The following ZNF24 variants were observed in gnomAD, a reference collection of about 807,000 sequenced individuals.
The protein encoded by ZNF24 is zinc finger protein 24.
A neutral mutation model predicts 40.9 loss-of-function variants in ZNF24; 11 were observed. The ratio of observed to expected loss-of-function variants is 0.27; its 90% CI spans 0.17 to 0.45. The LOEUF is 0.45. ZNF24 is among the 20% of genes least tolerant of loss of function. The pLI is 1.00. For synonymous variants in ZNF24, 139 were observed against 154.7 expected, an observed-to-expected ratio of 0.90 and a Z score of 0.75; for missense variants, 293 against 437.7, an observed-to-expected ratio of 0.67 and a Z score of 2.95.
chr18:35,343,629 G>A lies in ZNF24; in HGVS notation c.-84+731C>T, dbSNP rs940243633. On this transcript the variant is annotated intron_variant, in intron 1 of 3. Coordinates refer to ENST00000261332, the MANE Select transcript of ZNF24 (RefSeq NM_006965.4). ...TTAATTAAATACCCTGGAGTGTGGT[G>A]GCCTTATACATAAGGTCTAGCCAAC... is the stretch of plus-strand genomic sequence containing the variant. 29 of 152,138 alleles carry A rather than the reference G, an allele frequency of 1.9e-4. 1 individual carries two copies. The highest frequency in any genetic ancestry group is 7.2e-4 in the Admixed American group (11 of 15,278). The allele number at this position is 152,138 out of a possible 1,614,324, so 9.4% of individuals were successfully genotyped here. A position where few individuals can be genotyped will look rare whatever the true frequency, so the allele number is the denominator to read the frequency against.
rs2044894482 is a variant in ZNF24, at chr18:35,335,193, C to A, written c.*2039G>T. 6.6e-6 allele frequency: 1 copy of A among 152,074 alleles called. No individual in the cohort carries two copies. The highest frequency in any genetic ancestry group is 2.1e-4 in the South Asian group (1 of 4,836). 9.4% of individuals were successfully genotyped at this position (152,074 alleles called of 1,614,324 possible). A position where few individuals can be genotyped will look rare whatever the true frequency, so the allele number is the denominator to read the frequency against. On this transcript the variant is annotated 3_prime_UTR_variant, in exon 4 of 4. Transcript: ENST00000261332. ...CCTGAAAACCTACTTGGAAAGAAGC[C>A]AGTTATAAATAAATAAATCACATCA...
intron 3 of ZNF24, 177 bp from the exon 4 acceptor site, chr18:35,337,947 T>A (rs757986061): frequency 7.1e-6 from 4 of 565,412 alleles, no homozygotes; most frequent in Non-Finnish European, 8.6e-6. Flanking sequence ...AATAACAGTA[T>A]AACATCATGA....
Position 35,337,059 on chromosome 18 carries a change from C to T in ZNF24, c.*173G>A. ...TTCAGTTTCTAGGCAGGTATGACACCATTTCTTTCAAGATAAATATCATAA... is the reference window on the plus strand; with the variant it reads ...TTCAGTTTCTAGGCAGGTATGACACTATTTCTTTCAAGATAAATATCATAA... On this transcript the variant is annotated 3_prime_UTR_variant, in exon 4 of 4. Transcript: ENST00000261332. 5.6e-6 allele frequency: 3 copies of T among 539,176 alleles called. No homozygotes were observed. The highest frequency in any genetic ancestry group is 8.8e-6 in the Non-Finnish European group (3 of 342,516). The allele number at this position is 539,176 out of a possible 1,614,324, so 33.4% of individuals were successfully genotyped here.
At chr18:35,339,566 G>A (rs886074992) in intron 3 of ZNF24, among the ~76,000 whole-genome samples, 2 of 152,152 alleles carry the variant, frequency 1.3e-5, no homozygotes, top group African/African-American at 4.8e-5. Flanking sequence ...TCCATGGGTG[G>A]GTGCTGGCTC....
rs1442133988 is a variant in ZNF24 at position 35,340,574 on chromosome 18, A to G, written c.77T>C (p.Val26Ala). Reference protein sequence around the residue: ...TPDEEEKILRVKLEEDPDGEE... With the variant: ...TPDEEEKILRAKLEEDPDGEE... ...GCCATCAGGATCCTCCTCCAACTTC[A>G]CTCTCAGAATTTTTTCCTCTTCATC... is the stretch of plus-strand genomic sequence containing the variant. The change falls in exon 2 of 4, where the codon GTG becomes GCG. Residue 26 changes from valine (V) to alanine (A), a missense_variant. Physicochemically the swap from Val to Ala is moderately conservative, Grantham distance 64 (BLOSUM62 0). This residue lies in a region of ZNF24 where 234 missense variants were observed against 299.2 expected (regional missense o/e 0.78). Coordinates refer to ENST00000261332, the MANE Select transcript of ZNF24 (RefSeq NM_006965.4). This position sits in a 1 kb window ranked among gnomAD's most constrained non-coding sequence, Gnocchi z 4.6. 6.2e-7 allele frequency: 1 copy of G among 1,613,904 alleles called. No homozygotes were observed. The highest frequency in any genetic ancestry group is 8.5e-7 in the Non-Finnish European group (1 of 1,179,978).
intron 1 of ZNF24, among the ~76,000 whole-genome samples, chr18:35,343,563 G>A (rs921359250): frequency 6.6e-6 from 1 of 152,096 alleles, no homozygotes; most frequent in African/African-American, 2.4e-5. Context: ...ATGAAGACTA[G>A]AATCAGAAAA....
chr18:35,343,207 C>A (rs1036684010), intron 1 of ZNF24, among the ~76,000 whole-genome samples: 3 of 152,136 alleles, frequency 2.0e-5, no homozygotes, highest in African/African-American at 7.2e-5. Flanking sequence ...TTATCTTGCA[C>A]ATAATACGTA....
rs532407733 is a variant in ZNF24 at position 35,338,361 on chromosome 18, C to A, written c.569-591G>T. ...AGACATGACATAAAAATTCAGTATG[C>A]CCCTAATAAATGAAAGTTTTCCAAT... On this transcript the variant is annotated intron_variant, in intron 3 of 3. Coordinates refer to ENST00000261332, the MANE Select transcript of ZNF24 (RefSeq NM_006965.4). The A allele has an allele frequency of 1.1e-5, 11 of 985,324 alleles. No homozygotes were observed. The African/African-American group carries it at 1.9e-4, about 17-fold the overall frequency. The allele number at this position is 985,324 out of a possible 1,614,324, so 61.0% of individuals were successfully genotyped here. A position where few individuals can be genotyped will look rare whatever the true frequency, so the allele number is the denominator to read the frequency against.
At position 35,340,848 on chromosome 18, in the gene ZNF24, ACCT is replaced by A; in HGVS notation, c.-83-118_-83-116del. The A allele has an allele frequency of 1.8e-6, 1 of 563,076 alleles. No homozygotes were observed. The highest frequency in any genetic ancestry group is 3.0e-6 in the Non-Finnish European group (1 of 332,602). 34.9% of individuals were successfully genotyped at this position (563,076 alleles called of 1,614,324 possible). A position where few individuals can be genotyped will look rare whatever the true frequency, so the allele number is the denominator to read the frequency against. ...TTTGAGTTAAAAATTCCAATCAATA[ACCT>A]ACACCAGGAATTGGCAAACTACAGC... On this transcript the variant is annotated intron_variant, in intron 1 of 3. Coordinates refer to ENST00000261332, the MANE Select transcript of ZNF24 (RefSeq NM_006965.4). This position sits in a 1 kb window ranked among gnomAD's most constrained non-coding sequence, Gnocchi z 4.6.
intron 1 of ZNF24, chr18:35,343,662 C>T (rs575095586): frequency 2.6e-5 from 4 of 152,218 alleles, no homozygotes; most frequent in African/African-American, 7.2e-5. Flanking sequence ...AACATTCATT[C>T]GTTCCTATTC....
At chr18:35,338,217 G>T in intron 3 of ZNF24, 2 of 985,784 alleles carry the variant, frequency 2.0e-6, no homozygotes, top group Non-Finnish European at 2.4e-6. Context: ...TCAGAAAGTG[G>T]CTATTTCTGA....
At chr18:35,343,318 T>C (rs188316867) in intron 1 of ZNF24, among the ~76,000 whole-genome samples, 36 of 152,322 alleles carry the variant, frequency 2.4e-4, no homozygotes, top group East Asian at 9.6e-4. Flanking sequence ...CATAAGCACC[T>C]TGACTTCCTG....
At chr18:35,343,168 T>G (rs79517527) in intron 1 of ZNF24, among the ~76,000 whole-genome samples, 1,878 of 152,352 alleles carry the variant, frequency 0.012, 15 homozygotes, top group Non-Finnish European at 0.019. Flanking sequence ...AAAGATCATA[T>G]GTGAAAAACA....
intron 3 of ZNF24, chr18:35,338,873 A>G: frequency 7.3e-7 from 1 of 1,370,838 alleles, no homozygotes; most frequent in Non-Finnish European, 9.4e-7. Flanking sequence ...TCAGCCCCAT[A>G]TATCAAGAAT....
chr18:35,342,784 A>T (rs1043566144), intron 1 of ZNF24: 10 of 152,226 alleles, frequency 6.6e-5, no homozygotes, highest in African/African-American at 2.4e-4. Flanking sequence ...AGCCTAACAT[A>T]TTTCTCAGAC....
chr18:35,338,392 C>G, intron 3 of ZNF24: 1 of 985,374 alleles, frequency 1.0e-6, no homozygotes, highest in Non-Finnish European at 1.2e-6. Flanking sequence ...CCAATAAAAG[C>G]AGCTTCTCCC....
intron 3 of ZNF24, among the ~76,000 whole-genome samples, chr18:35,339,360 G>A (rs996025938): frequency 6.6e-6 from 1 of 152,178 alleles, no homozygotes; most frequent in East Asian, 1.9e-4. Flanking sequence ...AAGCTTCTTA[G>A]AAGAAAATGA....
chr18:35,339,715 A>C (rs370530903), intron 3 of ZNF24, 114 bp downstream of exon 3: 4 of 920,142 alleles, frequency 4.3e-6, no homozygotes, highest in Admixed American at 2.9e-5. Flanking sequence ...AAAAAAACTG[A>C]GATATTAGAT....
In ZNF24 at chr18:35,340,983, C is replaced by T. The variant is rs1196278906; in HGVS notation, c.-83-250G>A. Among the ~76,000 whole-genome samples, 3 of 152,238 alleles carry T rather than the reference C, an allele frequency of 2.0e-5. No homozygotes were observed. The highest frequency in any genetic ancestry group is 6.5e-5 in the Admixed American group (1 of 15,286). ...GTCTTCATCACAGTGCCTTACGGAG[C>T]GGAGATCCCTAAAATCAAATGAATA... On this transcript the variant is annotated intron_variant, in intron 1 of 3. Coordinates refer to ENST00000261332, the MANE Select transcript of ZNF24 (RefSeq NM_006965.4). This position sits in a 1 kb window ranked among gnomAD's most constrained non-coding sequence, Gnocchi z 4.6.
Sources: gnomAD v4.1 joint callset for allele counts (sites outside exome capture counted in the v4.1 genomes callset) on GRCh38, gnomAD v4.1.1 for gene constraint, gnomAD v4.1.1 regional missense constraint, Gnocchi (gnomAD v3.1) non-coding constraint, MANE v1.5 for transcripts, NCBI Gene and HGNC (gene_info 2026-07-23, HGNC 2026-07-21) for gene names.